Variants in SLC6A2 observed in about 807,000 individuals in gnomAD.
SLC6A2 encodes the protein sodium-dependent noradrenaline transporter.
SLC6A2 carries 26 observed loss-of-function variants against 71.7 expected under a neutral mutation model. That is an observed-to-expected ratio of 0.36 (90% CI 0.27 to 0.50). The LOEUF is 0.50. Among genes scored for constraint, SLC6A2 ranks in the 20% least tolerant of loss-of-function variants. The pLI is 0.96. For missense variants in SLC6A2, 581 were observed against 803.9 expected (o/e 0.72, Z 3.35); for synonymous variants, 363 against 337.9 (o/e 1.07, Z -0.82).
At chr16:55,695,977 G>A (rs922904642) in intron 8 of SLC6A2, among the ~76,000 whole-genome samples, 1 of 152,164 alleles carries the variant, frequency 6.6e-6, no homozygotes, top group African/African-American at 2.4e-5. Context: ...AGTATAGTAG[G>A]TGGGGTTTGC....
intron 5 of SLC6A2, among the ~76,000 whole-genome samples, chr16:55,688,867 C>T (rs1371424108): frequency 1.3e-5 from 2 of 152,180 alleles, no homozygotes; most frequent in African/African-American, 4.8e-5. Context: ...AAAATTCCTT[C>T]TTTTATGGAG....
At chr16:55,657,207 G>A (rs989214089) in intron 2 of SLC6A2, among the ~76,000 whole-genome samples, 6 of 152,202 alleles carry the variant, frequency 3.9e-5, no homozygotes, top group African/African-American at 1.2e-4. Context: ...GTCAGGATTG[G>A]GCACCCTGGA....
intron 5 of SLC6A2, among the ~76,000 whole-genome samples, chr16:55,691,643 GC>G (rs1240107626): frequency 6.6e-6 from 1 of 152,168 alleles, no homozygotes; most frequent in African/African-American, 2.4e-5. Context: ...CCTAGTCTTT[GC>G]CCTTGGCTTT....
At position 55,694,046 on chromosome 16, in the gene SLC6A2, T is replaced by C. The variant is rs1805068; in HGVS notation, c.955T>C (p.Leu319=). The change falls in exon 7 of 15, where the codon TTG becomes CTG. Residue 319 remains leucine, a synonymous_variant. Transcript: ENST00000568943. ...IDAATQIFFS[L]GAGFGVLIAF... Reference sequence around the variant, plus strand: ...TGCCGCAACTCAGATATTTTTTTCCTTGGGGGCTGGATTTGGAGTATTGAT... The same window carrying C: ...TGCCGCAACTCAGATATTTTTTTCCCTGGGGGCTGGATTTGGAGTATTGAT... The C allele has an allele frequency of 0.018, 28,940 of 1,613,572 alleles. 356 individuals are homozygous for C. Among genetic ancestry groups the C allele is most frequent in the Non-Finnish European group, 0.021 (24,910 of 1,179,460 alleles).
At position 55,671,872 on chromosome 16, in the gene SLC6A2, C is replaced by G. The variant is rs1164555116; in HGVS notation, c.407-66C>G. The G allele has an allele frequency of 2.5e-6, 4 of 1,609,914 alleles. No homozygotes were observed. In the South Asian group the frequency reaches 3.3e-5, roughly 13 times the overall value. ...ATGGGAGTGCAGTGGTGGAGCCACA[C>G]CCAAGGAGAGGTGGCTGTGGGGCTG... is the stretch of plus-strand genomic sequence containing the variant. On this transcript the variant is annotated intron_variant, in intron 3 of 14. Coordinates refer to ENST00000568943, the MANE Select transcript of SLC6A2 (RefSeq NM_001172501.3).
At chr16:55,680,139 A>T (rs1965224619) in intron 4 of SLC6A2, among the ~76,000 whole-genome samples, 1 of 152,148 alleles carries the variant, frequency 6.6e-6, no homozygotes, top group South Asian at 2.1e-4. Context: ...GAGGCTTTGG[A>T]GGCAGGAGAG....
At chr16:55,676,998 G>T (rs1965109148) in intron 4 of SLC6A2, among the ~76,000 whole-genome samples, 1 of 152,166 alleles carries the variant, frequency 6.6e-6, no homozygotes, top group Admixed American at 6.5e-5. Context: ...TACAACCAGG[G>T]CATAGAAATT....
chr16:55,656,215 G>A lies in SLC6A2; in HGVS notation c.-52+46G>A, dbSNP rs148624899. On this transcript the variant is annotated intron_variant, in intron 1 of 14. Coordinates refer to ENST00000568943, the MANE Select transcript of SLC6A2 (RefSeq NM_001172501.3). This position sits in a 1 kb window ranked among gnomAD's most constrained non-coding sequence, Gnocchi z 4.5. ...GGACAGGGCTAGGTCTGCCTGGGAG[G>A]CCCGGGCCGAGACGCGCCAGCAGAG... The A allele has an allele frequency of 8.1e-3, 1,758 of 215,886 alleles. 10 individuals are homozygous for A. Among genetic ancestry groups the A allele is most frequent in the Non-Finnish European group, 0.013 (1,365 of 106,958 alleles). The allele number at this position is 215,886 out of a possible 1,614,324, so 13.4% of individuals were successfully genotyped here.
chr16:55,694,618 C>T (rs1965737465), intron 7 of SLC6A2, among the ~76,000 whole-genome samples: 1 of 152,184 alleles, frequency 6.6e-6, no homozygotes, highest in Non-Finnish European at 1.5e-5. Flanking sequence ...ACTTCCATTA[C>T]ACTCCATCCA....
intron 4 of SLC6A2, among the ~76,000 whole-genome samples, chr16:55,679,383 C>T (rs1337764226): frequency 6.6e-6 from 1 of 152,078 alleles, no homozygotes. Flanking sequence ...TGTGCCACCA[C>T]ACCCAGCTAA....
intron 2 of SLC6A2, among the ~76,000 whole-genome samples, chr16:55,667,694 G>C (rs1459909962): frequency 6.6e-6 from 1 of 152,228 alleles, no homozygotes; most frequent in Non-Finnish European, 1.5e-5. Flanking sequence ...TGGAGCAGTG[G>C]CTGTAGCATT....
At chr16:55,691,213 G>A (rs867499096) in intron 5 of SLC6A2, among the ~76,000 whole-genome samples, 1 of 119,516 alleles carries the variant, frequency 8.4e-6, no homozygotes, top group East Asian at 3.0e-4. Context: ...AAAAAGAGAG[G>A]GGGGGAGGGG....
At chr16:55,702,202 G>A in intron 14 of SLC6A2, 121 bp from the exon 15 acceptor site, 6 of 990,854 alleles carry the variant, frequency 6.1e-6, no homozygotes, top group Non-Finnish European at 9.8e-6. Context: ...CGTTCCCTGA[G>A]GTCCGTGAAG....
intron 4 of SLC6A2, among the ~76,000 whole-genome samples, chr16:55,679,432 G>A (rs1338759525): frequency 1.3e-5 from 2 of 152,024 alleles, no homozygotes; most frequent in East Asian, 1.9e-4. Context: ...TCACCATGTT[G>A]ACCAGACTGA....
intron 11 of SLC6A2, among the ~76,000 whole-genome samples, chr16:55,698,845 C>T (rs1965882133): frequency 6.6e-6 from 1 of 152,170 alleles, no homozygotes; most frequent in African/African-American, 2.4e-5. Flanking sequence ...AGGGGGTTGT[C>T]AGATTTAGCA....
intron 2 of SLC6A2, among the ~76,000 whole-genome samples, chr16:55,662,935 C>T (rs1278079136): frequency 6.6e-6 from 1 of 152,170 alleles, no homozygotes; most frequent in Non-Finnish European, 1.5e-5. Context: ...GCAGCAGACA[C>T]CAGCTGAGTG....
chr16:55,694,634 T>A (rs1965737947), intron 7 of SLC6A2, among the ~76,000 whole-genome samples: 1 of 152,148 alleles, frequency 6.6e-6, no homozygotes, highest in Admixed American at 6.5e-5. Context: ...ATCCAAGGCT[T>A]AAGGCAGAAT....
intron 2 of SLC6A2, among the ~76,000 whole-genome samples, chr16:55,664,341 G>C (rs560732055): frequency 6.6e-6 from 1 of 152,312 alleles, no homozygotes; most frequent in East Asian, 1.9e-4. Flanking sequence ...TGGCCTGGGG[G>C]CATCCTTTGT....
chr16:55,682,030 C>A (rs1309699526), intron 4 of SLC6A2, among the ~76,000 whole-genome samples: 1 of 152,176 alleles, frequency 6.6e-6, no homozygotes, highest in East Asian at 1.9e-4. Flanking sequence ...CTTCAGTCTC[C>A]CAAGTAGCTG....
Sources: allele counts gnomAD v4.1 joint callset (sites outside exome capture counted in the v4.1 genomes callset), GRCh38; gene constraint gnomAD v4.1.1; non-coding constraint Gnocchi (gnomAD v3.1); transcripts MANE v1.5; gene names NCBI Gene and HGNC (gene_info 2026-07-23, HGNC 2026-07-21).